Variants in ZNF385D observed in about 807,000 individuals in gnomAD.
ZNF385D encodes the protein zinc finger protein 659.
Under a neutral mutation model 35.8 loss-of-function variants are expected in ZNF385D, and 15 were observed. The ratio of observed to expected loss-of-function variants is 0.42; its 90% CI spans 0.28 to 0.64. The LOEUF is 0.64. ZNF385D is among the 30% of genes least tolerant of loss of function. The pLI is 0.23. For missense variants in ZNF385D, 474 were observed against 494.6 expected (o/e 0.96, Z 0.39); for synonymous variants, 212 against 186.8 (o/e 1.13, Z -1.10).
exon 2 of ZNF385D, chr3:22,372,623 G>A (rs1248175034): frequency 1.8e-6 from 1 of 544,748 alleles, no homozygotes; most frequent in African/African-American, 2.1e-5. Context: ...CAGCTTCAAC[G>A]GCGGTGGTCG....
chr3:21,570,084 CT>C (rs1369727704), intron 2 of ZNF385D, among the ~76,000 whole-genome samples: 2 of 149,726 alleles, frequency 1.3e-5, no homozygotes, highest in African/African-American at 2.5e-5. Context: ...AAAATTACAC[CT>C]TAAAAAAAAA....
chr3:22,263,848 C>T (rs548276263), intron 2 of ZNF385D, among the ~76,000 whole-genome samples: 5 of 151,730 alleles, frequency 3.3e-5, no homozygotes, highest in Non-Finnish European at 5.9e-5. Context: ...TGCCAAATGC[C>T]CTCCCATGCA....
intron 3 of ZNF385D, among the ~76,000 whole-genome samples, chr3:22,059,667 A>G (rs1000620191): frequency 2.0e-5 from 3 of 152,148 alleles, no homozygotes; most frequent in Admixed American, 1.3e-4. Context: ...TGTGGAGCAC[A>G]TTACTTTGAA....
At chr3:21,663,281 T>C (rs1008100337) in intron 2 of ZNF385D, among the ~76,000 whole-genome samples, 1 of 152,194 alleles carries the variant, frequency 6.6e-6, no homozygotes, top group Non-Finnish European at 1.5e-5. Context: ...TGTTAAATGA[T>C]ATTCATTGTC....
chr3:22,004,599 A>G (rs77727856), intron 3 of ZNF385D, among the ~76,000 whole-genome samples: 5 of 152,184 alleles, frequency 3.3e-5, no homozygotes, highest in African/African-American at 4.8e-5. Context: ...CTCCCATTCT[A>G]TTCCTAGAAA....
At chr3:22,357,869 G>C (rs965456807) in intron 2 of ZNF385D, among the ~76,000 whole-genome samples, 16 of 151,798 alleles carry the variant, frequency 1.1e-4, no homozygotes, top group African/African-American at 3.9e-4. Context: ...ACTTCAAGGG[G>C]GTGGAGAATT....
chr3:21,714,817 T>A (rs2068248513), intron 1 of ZNF385D, among the ~76,000 whole-genome samples: 1 of 152,160 alleles, frequency 6.6e-6, no homozygotes. Context: ...TCTCTCTTTT[T>A]AAAAAAATAA....
intron 3 of ZNF385D, among the ~76,000 whole-genome samples, chr3:21,526,063 A>G (rs1385927489): frequency 1.3e-5 from 2 of 152,184 alleles, no homozygotes; most frequent in Non-Finnish European, 2.9e-5. Flanking sequence ...CACCGTAAAC[A>G]GATGCTATTT....
intron 2 of ZNF385D, among the ~76,000 whole-genome samples, chr3:22,240,226 C>CA (rs919241410): frequency 6.7e-6 from 1 of 148,218 alleles, no homozygotes; most frequent in Non-Finnish European, 1.5e-5. Flanking sequence ...CTGGCTCCAC[C>CA]AAAAAGTCAT....
chr3:21,530,102 C>G (rs1003862594), intron 3 of ZNF385D, among the ~76,000 whole-genome samples: 2 of 152,114 alleles, frequency 1.3e-5, no homozygotes, highest in Admixed American at 6.6e-5. Flanking sequence ...CCTCCTCTCT[C>G]TCACTTCCTC....
At chr3:21,970,467 G>C (rs1290869875) in intron 3 of ZNF385D, among the ~76,000 whole-genome samples, 1 of 151,134 alleles carries the variant, frequency 6.6e-6, no homozygotes, top group Non-Finnish European at 1.5e-5. Context: ...GAAATAAATA[G>C]TGAGCTTGAA....
At chr3:22,186,252 A>G (rs1290406408) in intron 2 of ZNF385D, among the ~76,000 whole-genome samples, 1 of 152,170 alleles carries the variant, frequency 6.6e-6, no homozygotes, top group Non-Finnish European at 1.5e-5. Context: ...AAATCTTCAA[A>G]GTCATCTTGG....
intron 3 of ZNF385D, among the ~76,000 whole-genome samples, chr3:22,011,054 A>C (rs550201326): frequency 1.3e-5 from 2 of 152,226 alleles, no homozygotes; most frequent in African/African-American, 4.8e-5. Flanking sequence ...GACATGATAC[A>C]TGGATTTCTA....
At chr3:21,642,904 G>C (rs2065648106) in intron 2 of ZNF385D, among the ~76,000 whole-genome samples, 1 of 152,036 alleles carries the variant, frequency 6.6e-6, no homozygotes, top group South Asian at 2.1e-4. Context: ...AATTCATTGA[G>C]ATGAAAAGAA....
At chr3:21,492,637 C>T (rs909451776) in intron 4 of ZNF385D, among the ~76,000 whole-genome samples, 2 of 151,602 alleles carry the variant, frequency 1.3e-5, no homozygotes, top group African/African-American at 2.4e-5. Context: ...TACAAAAATT[C>T]GCCAGGTGTG....
chr3:21,604,083 C>T (rs1559452091), intron 2 of ZNF385D, among the ~76,000 whole-genome samples: 2 of 152,106 alleles, frequency 1.3e-5, no homozygotes, highest in Non-Finnish European at 2.9e-5. Flanking sequence ...TGGTAAGCCT[C>T]CTGAATCCTG....
rs143804958 is a variant in ZNF385D at position 22,271,465 on chromosome 3, G to GAA, written c.106+100983_106+100984dup. ...ACAAGAAAACAAACCTAACTGCATAGAAAAAAAAATAGATTTCCCTTGGAG... is the reference window on the plus strand; with the variant it reads ...ACAAGAAAACAAACCTAACTGCATAGAAAAAAAAAAATAGATTTCCCTTGGAG... On this transcript the variant is annotated intron_variant, in intron 2 of 5. Transcript: ENST00000494108. Among the ~76,000 whole-genome samples the GAA allele has an allele frequency of 4.4e-3, 669 of 150,672 alleles. 7 individuals are homozygous for GAA. Among genetic ancestry groups the GAA allele is most frequent in the African/African-American group, 0.015 (636 of 41,116 alleles).
intron 3 of ZNF385D, among the ~76,000 whole-genome samples, chr3:21,854,154 G>A (rs1272277547): frequency 6.6e-6 from 1 of 151,734 alleles, no homozygotes; most frequent in African/African-American, 2.4e-5. Context: ...GCACAAAAGG[G>A]CAGTCTTAAC....
chr3:22,063,919 G>T (rs986870535), intron 3 of ZNF385D, among the ~76,000 whole-genome samples: 1 of 152,190 alleles, frequency 6.6e-6, no homozygotes, highest in Non-Finnish European at 1.5e-5. Flanking sequence ...TTTTCCATCT[G>T]CCCAGTCTTT....
Sources: gnomAD v4.1 joint callset for allele counts (sites outside exome capture counted in the v4.1 genomes callset) on GRCh38, gnomAD v4.1.1 for gene constraint, MANE v1.5 for transcripts, NCBI Gene and HGNC (gene_info 2026-07-23, HGNC 2026-07-21) for gene names.